Variants in IL1RN observed in about 807,000 individuals in gnomAD.
The protein encoded by IL1RN is interleukin-1 receptor antagonist protein.
IL1RN carries 10 observed loss-of-function variants against 13.7 expected under a neutral mutation model. That is an observed-to-expected ratio of 0.73 (90% CI 0.45 to 1.24). The LOEUF (loss-of-function observed/expected upper bound fraction) is 1.24. Among genes scored for constraint, IL1RN ranks in the 50% most tolerant of loss-of-function variants. IL1RN has a pLI of 0.00. For missense variants in IL1RN, 213 were observed against 222.1 expected, an observed-to-expected ratio of 0.96 and a Z score of 0.26; for synonymous variants, 102 against 82.7, an observed-to-expected ratio of 1.23 and a Z score of -1.27.
upstream of IL1RN, chr2:113,117,511 GTTTCTTGTCTGT>G (rs1686621953): frequency 6.0e-6 from 1 of 166,678 alleles, no homozygotes; most frequent in Non-Finnish European, 1.3e-5. Flanking sequence ...TTGCTAACTT[GTTTCTTGTCTGT>G]TTTCCTTTGT....
the IL1RN span, among the ~76,000 whole-genome samples, chr2:113,100,043 T>G: frequency 7.6e-6 from 1 of 131,590 alleles, no homozygotes; most frequent in Non-Finnish European, 1.6e-5. Flanking sequence ...CCCTCTTCCT[T>G]CTTAAAAGCT....
chr2:113,113,320 C>A (rs561874341), upstream of IL1RN, among the ~76,000 whole-genome samples: 21 of 152,134 alleles, frequency 1.4e-4, no homozygotes, highest in African/African-American at 4.8e-4. Flanking sequence ...AAGACAGACA[C>A]AAAAAGACAT....
rs141549660 is a variant in IL1RN, at chr2:113,121,041, C to A, written c.73+913C>A. Among the ~76,000 whole-genome samples, 330 of 136,308 alleles carry A rather than the reference C, an allele frequency of 2.4e-3. 2 individuals carry two copies. Among genetic ancestry groups the A allele is most frequent in the African/African-American group, 8.7e-3 (323 of 37,174 alleles). The allele number at this position is 136,308 out of a possible 152,430, so 89.4% of individuals were successfully genotyped here. A position where few individuals can be genotyped will look rare whatever the true frequency, so the allele number is the denominator to read the frequency against. ...TTCTCCTCTTCTTCTTCTTCTTCTT[C>A]TTCCTCTTCTTCTTCTTCCTCCTCC... On this transcript the variant is annotated intron_variant, in intron 2 of 5. Transcript: ENST00000259206.
At chr2:113,101,437 T>C in the IL1RN span, among the ~76,000 whole-genome samples, 9 of 152,208 alleles carry the variant, frequency 5.9e-5, no homozygotes, top group Admixed American at 5.2e-4. Context: ...AAACAACTTA[T>C]AATTTTTACA....
upstream of IL1RN, among the ~76,000 whole-genome samples, chr2:113,109,813 T>G (rs1231337758): frequency 2.0e-5 from 3 of 151,690 alleles, no homozygotes; most frequent in Non-Finnish European, 4.4e-5. Context: ...GAGCCATGGC[T>G]ATCAGCTGAC....
chr2:113,121,702 T>A (rs1479895221), intron 2 of IL1RN: 8 of 752,814 alleles, frequency 1.1e-5, no homozygotes, highest in Non-Finnish European at 1.3e-5. Context: ...ATCCCCTTCA[T>A]CATCCAGGAG....
At chr2:113,127,824 C>T (rs899228180) in intron 1 of IL1RN, 84 bp downstream of exon 1, 1 of 1,398,352 alleles carries the variant, frequency 7.2e-7, no homozygotes. Flanking sequence ...GCTGCCAGGC[C>T]CCAGAGGGCC....
At chr2:113,127,332 C>T, upstream of IL1RN, 2 of 408,472 alleles carry the variant, frequency 4.9e-6, no homozygotes, top group South Asian at 2.1e-4. Context: ...GTTTGGTTTC[C>T]ATTGTGCTCT....
At chr2:113,127,403 G>C, upstream of IL1RN, 3 of 927,648 alleles carry the variant, frequency 3.2e-6, no homozygotes, top group Non-Finnish European at 3.9e-6. Context: ...ATTGCACAGG[G>C]GAAAAAGGGG....
the IL1RN span, among the ~76,000 whole-genome samples, chr2:113,100,320 C>G: frequency 7.0e-6 from 1 of 142,746 alleles, no homozygotes; most frequent in South Asian, 2.2e-4. Flanking sequence ...AGCGAGACTC[C>G]GTCTCAAAAA....
At chr2:113,128,692 C>G (rs1365176318) in intron 1 of IL1RN, among the ~76,000 whole-genome samples, 1 of 152,138 alleles carries the variant, frequency 6.6e-6, no homozygotes, top group Non-Finnish European at 1.5e-5. Flanking sequence ...CTTTGGTTTG[C>G]CTGGCCACCC....
At chr2:113,108,648 G>A (rs1351362723), upstream of IL1RN, among the ~76,000 whole-genome samples, 1 of 152,112 alleles carries the variant, frequency 6.6e-6, no homozygotes, top group African/African-American at 2.4e-5. Context: ...ACAGGCCCAA[G>A]GGAATAATAG....
chr2:113,109,054 A>C (rs534656766), upstream of IL1RN, among the ~76,000 whole-genome samples: 6 of 152,022 alleles, frequency 3.9e-5, no homozygotes, highest in Non-Finnish European at 7.3e-5. Context: ...TAAGAAAACA[A>C]TAGCAACCAC....
Position 113,133,121 on chromosome 2 carries a change from T to A in IL1RN, c.*250T>A, listed in dbSNP as rs1427656937. On this transcript the variant is annotated 3_prime_UTR_variant, in exon 4 of 4. Transcript: ENST00000409930. ...CACAGCAGCCCCTGCACAAAGCCCTTCCATGTCGCCTCTGCATTCAGGATC... is the reference window on the plus strand; with the variant it reads ...CACAGCAGCCCCTGCACAAAGCCCTACCATGTCGCCTCTGCATTCAGGATC... 6 of 561,200 alleles carry A rather than the reference T, an allele frequency of 1.1e-5. No individual in the cohort carries two copies. Among genetic ancestry groups the A allele is most frequent in the Non-Finnish European group, 1.9e-5 (6 of 310,658 alleles). The allele number at this position is 561,200 out of a possible 1,614,324, so 34.8% of individuals were successfully genotyped here. A position where few individuals can be genotyped will look rare whatever the true frequency, so the allele number is the denominator to read the frequency against.
chr2:113,131,295 C>T, intron 3 of IL1RN, 138 bp downstream of exon 3: 1 of 699,662 alleles, frequency 1.4e-6, no homozygotes. Flanking sequence ...GCTGGGGTCA[C>T]TTTGGAAGCT....
At chr2:113,127,788 C>G in intron 1 of IL1RN, 48 bp downstream of exon 1, 8 of 1,586,606 alleles carry the variant, frequency 5.0e-6, no homozygotes, top group South Asian at 1.1e-5. Context: ...CAGCTGGAGA[C>G]TGGAAACATA....
rs4251985 is a variant in IL1RN, at chr2:113,119,836, G to T, written c.11-230G>T. On this transcript the variant is annotated intron_variant, in intron 1 of 5. Coordinates refer to the IL1RN transcript ENST00000259206. ...TAGAGGAACCACATTCTCCATCTAA[G>T]GCCAGGAGTATGGGAGGTATCAATG... is the stretch of plus-strand genomic sequence containing the variant. Among the ~76,000 whole-genome samples the T allele has an allele frequency of 0.21, 31,904 of 152,092 alleles. 4,107 individuals carry two copies. Among genetic ancestry groups the T allele is most frequent in the South Asian group, 0.29 (1,380 of 4,816 alleles).
At chr2:113,129,519 G>C in intron 1 of IL1RN, 57 bp from the exon 2 acceptor site, 4 of 1,106,966 alleles carry the variant, frequency 3.6e-6, no homozygotes, top group Non-Finnish European at 5.6e-6. Flanking sequence ...AAGGTGCCAA[G>C]CACAAGGCTG....
upstream of IL1RN, among the ~76,000 whole-genome samples, chr2:113,123,372 T>A (rs942830538): frequency 6.6e-5 from 10 of 152,146 alleles, no homozygotes; most frequent in Non-Finnish European, 1.5e-4. Context: ...CAGCTGAGTT[T>A]TTGAGCATTC....
Sources: gnomAD v4.1 joint callset for allele counts (sites outside exome capture counted in the v4.1 genomes callset) on GRCh38, gnomAD v4.1.1 for gene constraint, MANE v1.5 for transcripts, NCBI Gene and HGNC (gene_info 2026-07-23, HGNC 2026-07-21) for gene names.